Variants in CIDEB observed in about 807,000 individuals in gnomAD.
CIDEB encodes cell death inducing DFFA like effector b.
A neutral mutation model predicts 22.4 loss-of-function variants in CIDEB; 27 were observed. The observed-to-expected ratio is 1.21, with a 90% confidence interval of 0.89 to 1.66. The LOEUF (loss-of-function observed/expected upper bound fraction) is 1.66. Ranked by LOEUF, CIDEB falls within the 40% of genes most tolerant of loss-of-function variation. The pLI is 0.00. For missense variants in CIDEB, 289 were observed against 268.7 expected, an observed-to-expected ratio of 1.08 and a Z score of -0.53; for synonymous variants, 103 against 109.5, an observed-to-expected ratio of 0.94 and a Z score of 0.37.
At position 24,307,435 on chromosome 14, in the gene CIDEB, C is replaced by T. The variant is rs1265706176; in HGVS notation, c.122G>A (p.Cys41Tyr). The T allele has an allele frequency of 7.4e-6, 12 of 1,613,980 alleles. No individual in the cohort carries two copies. In the African/African-American group the frequency reaches 8.0e-5, roughly 11 times the overall value. Residue 41 changes from cysteine to tyrosine, a missense_variant, in exon 2 of 5, where the codon TGT becomes TAT. Transcript: ENST00000554411. Reference protein sequence around the residue: ...APPPQRPFRVCDHKRTIRKGL... With the variant: ...APPPQRPFRVYDHKRTIRKGL... ...TTTCCGGATGGTCCGCTTGTGATCACAGACACGGAAAGGTCGCTGGGGTGG... is the reference window on the plus strand; with the variant it reads ...TTTCCGGATGGTCCGCTTGTGATCATAGACACGGAAAGGTCGCTGGGGTGG...
upstream of CIDEB, chr14:24,309,032 C>T (rs1166556984): frequency 2.0e-5 from 3 of 152,190 alleles, no homozygotes; most frequent in Admixed American, 6.5e-5. Flanking sequence ...TTGGATATAC[C>T]CAGGTAGAAC....
chr14:24,305,902 A>C (rs748373659), intron 4 of CIDEB, 45 bp downstream of exon 4: 8 of 1,594,570 alleles, frequency 5.0e-6, no homozygotes, highest in Non-Finnish European at 6.8e-6. Flanking sequence ...TATGGGGACT[A>C]TCCAACTGTA....
At chr14:24,307,143 C>A in intron 2 of CIDEB, 1 of 423,268 alleles carries the variant, frequency 2.4e-6, no homozygotes, top group Non-Finnish European at 4.2e-6. Context: ...AATTCTGTCC[C>A]TCGAACTCTC....
Position 24,305,244 on chromosome 14 carries a change from G to C in CIDEB, c.*389C>G. 6 of 877,330 alleles carry C rather than the reference G, an allele frequency of 6.8e-6. No individual in the cohort carries two copies. The highest frequency in any genetic ancestry group is 8.0e-6 in the Non-Finnish European group (5 of 622,760). 54.3% of individuals were successfully genotyped at this position (877,330 alleles called of 1,614,324 possible). On this transcript the variant is annotated 3_prime_UTR_variant, in exon 5 of 5. Transcript: ENST00000554411. Reference sequence around the variant, plus strand: ...ATGTTTTTGTTAGTTTGAGGGGAAGGGTATGAAGACAGATCTCAAGGTAAA... The same window carrying C: ...ATGTTTTTGTTAGTTTGAGGGGAAGCGTATGAAGACAGATCTCAAGGTAAA...
At chr14:24,309,054 ACTGT>A (rs2041608772), upstream of CIDEB, 1 of 152,182 alleles carries the variant, frequency 6.6e-6, no homozygotes. Flanking sequence ...ACTCTCTCTC[ACTGT>A]CTGTTGTGAG....
rs374399111 is a variant in CIDEB at position 24,306,320 on chromosome 14, C to T, written c.336+54G>A. The T allele has an allele frequency of 3.4e-5, 54 of 1,608,286 alleles. No homozygotes were observed. The highest frequency in any genetic ancestry group is 9.4e-5 in the African/African-American group (7 of 74,758). On this transcript the variant is annotated intron_variant, in intron 3 of 4. Coordinates refer to ENST00000554411, the MANE Select transcript of CIDEB (RefSeq NM_001393339.1). ...TCAGGGTTAAGCTAGAGAGGAAGCC[C>T]GGGAAAGCTCTAAAGGACAGGCATT... is the stretch of plus-strand genomic sequence containing the variant.
Position 24,305,463 on chromosome 14 carries a change from G to C in CIDEB, c.*170C>G. 2.6e-6 allele frequency: 2 copies of C among 767,578 alleles called. No individual in the cohort carries two copies. Among genetic ancestry groups the C allele is most frequent in the Non-Finnish European group, 4.1e-6 (2 of 488,040 alleles). The allele number at this position is 767,578 out of a possible 1,614,324, so 47.5% of individuals were successfully genotyped here. ...TTCTTCAGGTAAGGGTATAGACTTG[G>C]GATGTGAGGCGTTATGCTGAAAGGT... On this transcript the variant is annotated 3_prime_UTR_variant, in exon 5 of 5. Coordinates refer to ENST00000554411, the MANE Select transcript of CIDEB (RefSeq NM_001393339.1).
chr14:24,305,244 GGTATGA>G lies in CIDEB; in HGVS notation c.*383_*388del, dbSNP rs1393685780. The G allele has an allele frequency of 2.3e-6, 2 of 877,348 alleles. No individual in the cohort carries two copies. The highest frequency in any genetic ancestry group is 6.1e-5 in the East Asian group (2 of 32,862). 54.3% of individuals were successfully genotyped at this position (877,348 alleles called of 1,614,324 possible). ...ATGTTTTTGTTAGTTTGAGGGGAAG[GGTATGA>G]AGACAGATCTCAAGGTAAAGTCAGA... is the stretch of plus-strand genomic sequence containing the variant. On this transcript the variant is annotated 3_prime_UTR_variant, in exon 5 of 5. Transcript: ENST00000554411.
chr14:24,307,340 C>T lies in CIDEB; in HGVS notation c.186+31G>A, dbSNP rs576468649. The stretch of plus-strand genomic sequence containing the variant: ...TTGTGGAGCCCCTTGGCTACCCCTG[C>T]TATAGGAACCGAGGAACTTGGCCTA... On this transcript the variant is annotated intron_variant, in intron 2 of 4. Transcript: ENST00000554411. 5 of 1,598,826 alleles carry T rather than the reference C, an allele frequency of 3.1e-6. No individual in the cohort carries two copies. The South Asian group carries it at 5.6e-5, about 18-fold the overall frequency.
chr14:24,311,283 C>T (rs1053714981), upstream of CIDEB: 10 of 1,592,002 alleles, frequency 6.3e-6, no homozygotes, highest in Middle Eastern at 1.7e-4. Flanking sequence ...GACGCTGGCA[C>T]GGCTGCGGGG....
At chr14:24,311,135 C>T (rs61998512), upstream of CIDEB, 8 of 1,589,156 alleles carry the variant, frequency 5.0e-6, no homozygotes, top group Non-Finnish European at 6.0e-6. Context: ...TCCCGGCCGC[C>T]GTCTACCGCC....
At chr14:24,306,906 CTT>C (rs1262864310) in intron 2 of CIDEB, 2 of 295,262 alleles carry the variant, frequency 6.8e-6, no homozygotes, top group Non-Finnish European at 1.3e-5. Flanking sequence ...AGTGTTTAAC[CTT>C]TTTGAGTCCT....
At chr14:24,311,293 G>A, upstream of CIDEB, 2 of 1,589,264 alleles carry the variant, frequency 1.3e-6, no homozygotes, top group South Asian at 1.1e-5. Flanking sequence ...CGGCTGCGGG[G>A]CGCCCGCTGG....
Position 24,307,585 on chromosome 14 carries a change from G to A in CIDEB, c.42-70C>T. 1.0e-5 allele frequency: 16 copies of A among 1,545,882 alleles called. No homozygotes were observed. The South Asian group carries it at 1.9e-4, about 18-fold the overall frequency. ...GGTGAGTGTAAAGGGCATGATGAGG[G>A]TAGAGTGGCTAGAGGGCTAGGGAGG... On this transcript the variant is annotated intron_variant, in intron 1 of 4. Transcript: ENST00000554411.
rs2041513462 is a variant in CIDEB at position 24,306,525 on chromosome 14, T to C, written c.187-2A>G. On this transcript the variant is annotated splice_acceptor_variant, in intron 2 of 4. Coordinates refer to ENST00000554411, the MANE Select transcript of CIDEB (RefSeq NM_001393339.1). LOFTEE classifies it high-confidence loss of function. Reference sequence around the variant, plus strand: ...ATTCAGCAGTAGGGTCTCCAATGCCTGCCCAATGGCAAGAAGCAAGAAGGG... The same window carrying C: ...ATTCAGCAGTAGGGTCTCCAATGCCCGCCCAATGGCAAGAAGCAAGAAGGG... 1 of 1,614,144 alleles carries C rather than the reference T, an allele frequency of 6.2e-7. No individual in the cohort carries two copies. The highest frequency in any genetic ancestry group is 8.5e-7 in the Non-Finnish European group (1 of 1,180,050).
chr14:24,308,462 C>G (rs2041590251), upstream of CIDEB: 1 of 154,108 alleles, frequency 6.5e-6, no homozygotes, highest in Non-Finnish European at 1.4e-5. Context: ...GTCTGGGACA[C>G]TGGCCTTCCT....
upstream of CIDEB, chr14:24,308,327 CAG>C (rs145147638): frequency 8.5e-4 from 188 of 222,248 alleles, no homozygotes; most frequent in African/African-American, 4.1e-3. Context: ...GAACCCGGGG[CAG>C]AGTGTGGGGA....
chr14:24,307,160 T>A, intron 2 of CIDEB: 1 of 471,464 alleles, frequency 2.1e-6, no homozygotes, highest in Non-Finnish European at 3.8e-6. Flanking sequence ...TCTCCCTATC[T>A]CCTGCTAACC....
At position 24,305,671 on chromosome 14, in the gene CIDEB, C is replaced by T. The variant is rs138992080; in HGVS notation, c.622G>A (p.Glu208Lys). 659 of 1,614,208 alleles carry T rather than the reference C, an allele frequency of 4.1e-4. 1 individual carries two copies. In the Middle Eastern group the frequency reaches 5.1e-3, roughly 13 times the overall value. The change falls in exon 5 of 5, where the codon GAG becomes AAG. Residue 208 changes from glutamate (E) to lysine (K), a missense_variant. Physicochemically the swap from Glu to Lys is moderately conservative, Grantham distance 56. Coordinates refer to ENST00000554411, the MANE Select transcript of CIDEB (RefSeq NM_001393339.1). ...AGGCGGCCCTTCTGCTGCCACTGCT[C>T]AGCCCCCTCCACTGCATGACGAAGG... The part of the protein sequence containing the change: ...STLRHAVEGA[E>K]QWQQKGRLHS...
Sources: gnomAD v4.1 joint callset for allele counts on GRCh38, gnomAD v4.1.1 for gene constraint, MANE v1.5 for transcripts, NCBI Gene and HGNC (gene_info 2026-07-23, HGNC 2026-07-21) for gene names.